ARHGEF10: variants seen among roughly 807,000 people sequenced by gnomAD.
The protein encoded by ARHGEF10 is Rho guanine nucleotide exchange factor 10.
Under a neutral mutation model 147.4 loss-of-function variants are expected in ARHGEF10, and 140 were observed. The observed-to-expected ratio is 0.95, with a 90% CI of 0.83 to 1.09. ARHGEF10 has a LOEUF of 1.09. Ranked by LOEUF, ARHGEF10 falls within the 50% of genes least tolerant of loss-of-function variation. The pLI is 0.00. For synonymous variants in ARHGEF10, 902 were observed against 695.8 expected (o/e 1.30, Z -4.67); for missense variants, 2,222 against 1,752.7 (o/e 1.27, Z -4.78).
Position 1,882,768 on chromosome 8 carries a change from T to A in ARHGEF10, c.1075+19T>A. On this transcript the variant is annotated intron_variant, in intron 10 of 28. Transcript: ENST00000349830. ...GCACAGGGTCCGTGCCTGCAGGTCT[T>A]CTTGCGGGGAGGACACGGGGTTGGG... 6.7e-7 allele frequency: 1 copy of A among 1,501,402 alleles called. No individual in the cohort carries two copies. The highest frequency in any genetic ancestry group is 9.0e-7 in the Non-Finnish European group (1 of 1,113,404). 93.0% of individuals were successfully genotyped at this position (1,501,402 alleles called of 1,614,324 possible).
chr8:1,827,761 A>G (rs1286136150), intron 1 of ARHGEF10, among the ~76,000 whole-genome samples: 1 of 152,222 alleles, frequency 6.6e-6, no homozygotes, highest in Non-Finnish European at 1.5e-5. Context: ...GATGTGAAAA[A>G]GGTGTAAAAT....
At chr8:1,922,909 A>G (rs1812405288) in intron 18 of ARHGEF10, 55 bp from the exon 19 acceptor site, 1 of 1,239,584 alleles carries the variant, frequency 8.1e-7, no homozygotes. Flanking sequence ...CAAGTATTGG[A>G]GTAAATATGG....
chr8:1,955,644 G>A (rs960060209), intron 28 of ARHGEF10, among the ~76,000 whole-genome samples: 6 of 152,142 alleles, frequency 3.9e-5, no homozygotes, highest in African/African-American at 7.2e-5. Context: ...CTGAAAGGAG[G>A]TGCACTCTCA....
intron 2 of ARHGEF10, among the ~76,000 whole-genome samples, chr8:1,849,251 G>C (rs1454737687): frequency 6.6e-6 from 1 of 152,010 alleles, no homozygotes; most frequent in African/African-American, 2.4e-5. Context: ...CGGGGACACA[G>C]ACGGCAAATG....
At chr8:1,935,052 C>T (rs558433283) in intron 26 of ARHGEF10, among the ~76,000 whole-genome samples, 4 of 152,168 alleles carry the variant, frequency 2.6e-5, no homozygotes, top group African/African-American at 7.2e-5. Flanking sequence ...ACAATAAACT[C>T]ATACACATAT....
At chr8:1,892,868 G>A (rs1276513834) in intron 11 of ARHGEF10, among the ~76,000 whole-genome samples, 4 of 152,108 alleles carry the variant, frequency 2.6e-5, no homozygotes, top group Admixed American at 6.5e-5. Context: ...TTAGAATGAG[G>A]GAAATGCCGG....
chr8:1,950,272 C>T (rs754334270), intron 27 of ARHGEF10, among the ~76,000 whole-genome samples: 31 of 152,170 alleles, frequency 2.0e-4, no homozygotes, highest in Non-Finnish European at 3.5e-4. Flanking sequence ...TTGGTGCTTC[C>T]GGACGGGCAC....
chr8:1,848,302 G>A (rs1015795900), intron 2 of ARHGEF10, among the ~76,000 whole-genome samples: 24 of 152,196 alleles, frequency 1.6e-4, no homozygotes, highest in African/African-American at 5.5e-4. Flanking sequence ...CATGCCCCAG[G>A]GAGGGATTCT....
chr8:1,835,756 G>A (rs572685331), intron 1 of ARHGEF10, among the ~76,000 whole-genome samples: 3 of 152,282 alleles, frequency 2.0e-5, no homozygotes, highest in East Asian at 1.9e-4. Context: ...GTCAGGGAGC[G>A]CAGTGGCTGT....
chr8:1,951,029 C>T (rs1056007399), intron 27 of ARHGEF10, among the ~76,000 whole-genome samples: 3 of 152,218 alleles, frequency 2.0e-5, no homozygotes, highest in Non-Finnish European at 2.9e-5. Context: ...GCTCCCACAG[C>T]GGGGCTGCTT....
intron 1 of ARHGEF10, among the ~76,000 whole-genome samples, chr8:1,834,156 G>C (rs557879132): frequency 6.6e-6 from 1 of 152,224 alleles, no homozygotes; most frequent in Non-Finnish European, 1.5e-5. Flanking sequence ...TGTGGTGGCC[G>C]GTCCGGGGCT....
chr8:1,868,966 C>T (rs1183626492), intron 6 of ARHGEF10, among the ~76,000 whole-genome samples: 1 of 151,968 alleles, frequency 6.6e-6, no homozygotes, highest in Non-Finnish European at 1.5e-5. Context: ...TTATTCTGCC[C>T]TAAAAATAAT....
chr8:1,845,857 T>C (rs6651438), intron 2 of ARHGEF10, among the ~76,000 whole-genome samples: 67,259 of 152,114 alleles, frequency 0.44, 16,437 homozygotes, highest in Non-Finnish European at 0.56. Flanking sequence ...TGGCCTCTGA[T>C]GGAGGCAGGA....
Position 1,948,967 on chromosome 8 carries a change from C to T in ARHGEF10, c.3397+3312C>T, listed in dbSNP as rs1814808803. On this transcript the variant is annotated intron_variant, in intron 27 of 28. Transcript: ENST00000349830. The surrounding 1 kb of genome is among the most constrained non-coding windows in gnomAD (Gnocchi z 4.9). ...CCTCTGTGCTCTGTTCGCACACACA[C>T]AAAACCTTCATTCTAGAGTTGTATT... Among the ~76,000 whole-genome samples, 1 of 152,082 alleles carries T rather than the reference C, an allele frequency of 6.6e-6. No homozygotes were observed. The highest frequency in any genetic ancestry group is 2.4e-5 in the African/African-American group (1 of 41,380).
At position 1,937,398 on chromosome 8, in the gene ARHGEF10, C is replaced by G. The variant is rs1813703311; in HGVS notation, c.3222+3456C>G. ...GCTCAGCCATATAGTATACGGTGAT[C>G]TTGGATCAGCCGCCTACCTGGGTCT... On this transcript the variant is annotated intron_variant, in intron 26 of 28. Coordinates refer to ENST00000349830, the MANE Select transcript of ARHGEF10 (RefSeq NM_014629.4). This position sits in a 1 kb window ranked among gnomAD's most constrained non-coding sequence, Gnocchi z 4.9. Among the ~76,000 whole-genome samples the G allele has an allele frequency of 6.6e-6, 1 of 152,152 alleles. No individual in the cohort carries two copies. The highest frequency in any genetic ancestry group is 2.4e-5 in the African/African-American group (1 of 41,430).
At chr8:1,881,341 T>G (rs1292580173) in intron 9 of ARHGEF10, among the ~76,000 whole-genome samples, 1 of 151,946 alleles carries the variant, frequency 6.6e-6, no homozygotes, top group Admixed American at 6.5e-5. Context: ...TGATACTCTG[T>G]CCGGGGACCC....
chr8:1,841,482 T>C (rs1048831664), intron 1 of ARHGEF10, among the ~76,000 whole-genome samples: 2 of 152,178 alleles, frequency 1.3e-5, no homozygotes, highest in Non-Finnish European at 2.9e-5. Context: ...GCCTGTGCAT[T>C]GTTAAGCTAC....
chr8:1,864,409 C>T lies in ARHGEF10; in HGVS notation c.518C>T (p.Ser173Phe), dbSNP rs1367538699. Residue 173 changes from serine (S) to phenylalanine (F), a missense_variant, in exon 5 of 29, where the codon TCT (serine) becomes TTT (phenylalanine). Ser to Phe is a radical substitution (Grantham distance 155). Transcript: ENST00000349830. Reference protein sequence around the residue: ...PEVTEDRQPNSLSSEEPPTSE... With the variant: ...PEVTEDRQPNFLSSEEPPTSE... Reference sequence around the variant, plus strand: ...GTCACAGAAGATCGCCAGCCCAATTCTCTGAGTTCCGAGGAGCCTCCAACC... The same window carrying T: ...GTCACAGAAGATCGCCAGCCCAATTTTCTGAGTTCCGAGGAGCCTCCAACC... 1.9e-6 allele frequency: 3 copies of T among 1,614,064 alleles called. No homozygotes were observed. Among genetic ancestry groups the T allele is most frequent in the Admixed American group, 1.7e-5 (1 of 60,008 alleles).
chr8:1,882,731 A>G lies in ARHGEF10; in HGVS notation c.1057A>G (p.Lys353Glu). The G allele has an allele frequency of 1.3e-6, 2 of 1,545,834 alleles. No individual in the cohort carries two copies. Among genetic ancestry groups the G allele is most frequent in the Non-Finnish European group, 1.7e-6 (2 of 1,143,896 alleles). ...GAGGGGCCGCTCCTTCATCAGGACC[A>G]AGTCTCTCATCGCACAGGGTCCGTG... The part of the protein sequence containing the change: ...VKRGRSFIRT[K>E]SLIAQDHRSS... The change falls in exon 10 of 29, where the codon AAG becomes GAG. Residue 353 changes from lysine (K) to glutamate (E), a missense_variant. Coordinates refer to ENST00000349830, the MANE Select transcript of ARHGEF10 (RefSeq NM_014629.4).
Sources: gnomAD v4.1 joint callset for allele counts (sites outside exome capture counted in the v4.1 genomes callset) on GRCh38, gnomAD v4.1.1 for gene constraint, Gnocchi (gnomAD v3.1) non-coding constraint, MANE v1.5 for transcripts, NCBI Gene and HGNC (gene_info 2026-07-23, HGNC 2026-07-21) for gene names.